Variants in C1orf87 observed in about 807,000 individuals in gnomAD.
The protein encoded by C1orf87 is chromosome 1 open reading frame 87.
C1orf87 carries 58 observed loss-of-function variants against 60.5 expected under a neutral mutation model. The observed-to-expected ratio is 0.96, with a 90% CI of 0.78 to 1.19. The LOEUF (loss-of-function observed/expected upper bound fraction) is 1.19. Among genes scored for constraint, C1orf87 ranks in the 50% most tolerant of loss-of-function variants. C1orf87 has a pLI of 0.00. For synonymous variants in C1orf87, 236 were observed against 227.4 expected (o/e 1.04, Z -0.34); for missense variants, 673 against 638.6 (o/e 1.05, Z -0.58).
intron 8 of C1orf87, among the ~76,000 whole-genome samples, chr1:60,019,923 A>G (rs1229043144): frequency 6.6e-6 from 1 of 152,170 alleles, no homozygotes; most frequent in African/African-American, 2.4e-5. Context: ...TAAAATTGCA[A>G]TTTATGTTTA....
rs150555077 is a variant in C1orf87, at chr1:60,021,489, G to T, written c.1127+3912C>A. 3.6e-4 allele frequency among the ~76,000 whole-genome samples: 55 copies of T among 152,302 alleles called. No homozygotes were observed. In the East Asian group the frequency reaches 7.9e-3, roughly 22 times the overall value. On this transcript the variant is annotated intron_variant, in intron 8 of 11. Transcript: ENST00000371201. ...AAGGCCTTCTTCAAGTTGCTCATGA[G>T]ATAGGGACTGGGAAGAATTTACGTA...
chr1:60,071,991 G>A (rs1645587298), intron 2 of C1orf87, among the ~76,000 whole-genome samples: 1 of 152,086 alleles, frequency 6.6e-6, no homozygotes, highest in African/African-American at 2.4e-5. Flanking sequence ...GAAACATCTG[G>A]TGAATATTAG....
intron 5 of C1orf87, 85 bp from the exon 6 acceptor site, chr1:60,038,192 AT>A: frequency 1.5e-6 from 1 of 663,352 alleles, no homozygotes; most frequent in Non-Finnish European, 2.4e-6. Flanking sequence ...TATTTGGCAA[AT>A]TTTTACCATC....
intron 3 of C1orf87, among the ~76,000 whole-genome samples, chr1:60,050,850 T>A (rs936665566): frequency 6.6e-6 from 1 of 152,098 alleles, no homozygotes. Context: ...TATAGACTTG[T>A]GGAAGGAGAC....
intron 7 of C1orf87, among the ~76,000 whole-genome samples, chr1:60,028,710 A>C (rs1645216203): frequency 1.3e-5 from 2 of 152,208 alleles, no homozygotes; most frequent in Admixed American, 1.3e-4. Context: ...AACTCTGTTT[A>C]CCAAGTTACT....
At chr1:60,052,646 T>A (rs998445448) in intron 3 of C1orf87, among the ~76,000 whole-genome samples, 1 of 152,254 alleles carries the variant, frequency 6.6e-6, no homozygotes, top group Non-Finnish European at 1.5e-5. Flanking sequence ...CTCAAGCATG[T>A]TAGCTCAGTC....
Position 60,010,373 on chromosome 1 carries a change from A to T in C1orf87, c.1192+19T>A, listed in dbSNP as rs770847820. 9 of 1,608,520 alleles carry T rather than the reference A, an allele frequency of 5.6e-6. No individual in the cohort carries two copies. The highest frequency in any genetic ancestry group is 7.7e-6 in the Non-Finnish European group (9 of 1,175,900). On this transcript the variant is annotated intron_variant, in intron 9 of 11. Coordinates refer to ENST00000371201, the MANE Select transcript of C1orf87 (RefSeq NM_152377.3). Reference sequence around the variant, plus strand: ...AAAAATGGAAGGTCTCTCTGGAGCAAAAAAATAATGGAACTCACCTGTAGG... The same window carrying T: ...AAAAATGGAAGGTCTCTCTGGAGCATAAAAATAATGGAACTCACCTGTAGG...
chr1:60,006,308 C>T (rs1186936965), intron 9 of C1orf87, among the ~76,000 whole-genome samples: 4 of 152,050 alleles, frequency 2.6e-5, no homozygotes, highest in Non-Finnish European at 4.4e-5. Context: ...TTCCTGCAGC[C>T]CTTGCTGCTG....
chr1:60,073,062 A>G (rs1178565697), intron 1 of C1orf87, among the ~76,000 whole-genome samples: 2 of 152,210 alleles, frequency 1.3e-5, no homozygotes, highest in Non-Finnish European at 2.9e-5. Flanking sequence ...GGGACATATG[A>G]AGAATCCATA....
At chr1:60,044,498 C>T (rs1038400893) in intron 3 of C1orf87, among the ~76,000 whole-genome samples, 2 of 151,992 alleles carry the variant, frequency 1.3e-5, no homozygotes, top group Non-Finnish European at 2.9e-5. Context: ...ATATGATCTC[C>T]ATGTGGGCCA....
chr1:60,028,911 T>G (rs1300913159), intron 7 of C1orf87, among the ~76,000 whole-genome samples: 5 of 152,192 alleles, frequency 3.3e-5, no homozygotes. Context: ...CTTTGTTTAC[T>G]ACTCCTTAAC....
intron 2 of C1orf87, among the ~76,000 whole-genome samples, chr1:60,070,270 T>C (rs1413484352): frequency 6.6e-6 from 1 of 152,218 alleles, no homozygotes; most frequent in South Asian, 2.1e-4. Context: ...CTGAGCTAAA[T>C]GTGGTTATAC....
At chr1:60,043,659 T>C (rs1235336377) in intron 3 of C1orf87, among the ~76,000 whole-genome samples, 10 of 152,080 alleles carry the variant, frequency 6.6e-5, no homozygotes, top group Admixed American at 6.5e-4. Flanking sequence ...GCTGGGATTA[T>C]AGGCCTGGCC....
intron 2 of C1orf87, among the ~76,000 whole-genome samples, chr1:60,056,400 T>C (rs1645456940): frequency 1.3e-5 from 2 of 152,074 alleles, no homozygotes; most frequent in South Asian, 4.1e-4. Context: ...TGTTAAAGCA[T>C]GTGTATTAAG....
chr1:60,031,485 T>A (rs1019290971), intron 7 of C1orf87, among the ~76,000 whole-genome samples: 1 of 152,184 alleles, frequency 6.6e-6, no homozygotes, highest in Non-Finnish European at 1.5e-5. Context: ...TAACCAGACC[T>A]CAATGTGGCC....
At chr1:60,035,415 C>T (rs541234470) in intron 6 of C1orf87, among the ~76,000 whole-genome samples, 50 of 152,256 alleles carry the variant, frequency 3.3e-4, no homozygotes, top group African/African-American at 1.2e-3. Context: ...TTCATCTGGT[C>T]CAGTTTAGGA....
At chr1:59,993,853 G>A (rs1644944156) in intron 11 of C1orf87, among the ~76,000 whole-genome samples, 1 of 151,176 alleles carries the variant, frequency 6.6e-6, no homozygotes, top group African/African-American at 2.4e-5. Context: ...CCACTTCCTG[G>A]GTTCAAGTGA....
At chr1:59,993,465 G>T (rs985367915) in intron 11 of C1orf87, among the ~76,000 whole-genome samples, 1 of 151,770 alleles carries the variant, frequency 6.6e-6, no homozygotes, top group Non-Finnish European at 1.5e-5. Context: ...ATATGTAATT[G>T]CTTATTAAAA....
At chr1:60,067,458 A>G (rs1645554609) in intron 2 of C1orf87, among the ~76,000 whole-genome samples, 1 of 151,732 alleles carries the variant, frequency 6.6e-6, no homozygotes, top group South Asian at 2.1e-4. Flanking sequence ...GCATTCCTCT[A>G]ATGACCAGAG....
Sources: gnomAD v4.1 joint callset for allele counts (sites outside exome capture counted in the v4.1 genomes callset) on GRCh38, gnomAD v4.1.1 for gene constraint, MANE v1.5 for transcripts, NCBI Gene and HGNC (gene_info 2026-07-23, HGNC 2026-07-21) for gene names.